The following ERICH1 variants were observed in gnomAD, a reference collection of about 807,000 sequenced individuals.
ERICH1 encodes glutamate rich 1, also known as glutamate-rich protein 1.
In ERICH1, 56 loss-of-function variants were observed where a neutral mutation model predicts 39.6. The ratio of observed to expected loss-of-function variants is 1.41; its 90% CI spans 1.14 to 1.77. ERICH1 has a LOEUF of 1.77. Among genes scored for constraint, ERICH1 ranks in the 40% most tolerant of loss-of-function variants. The pLI is 0.00. For synonymous variants in ERICH1, 313 were observed against 223.6 expected, an observed-to-expected ratio of 1.40 and a Z score of -3.57; for missense variants, 826 against 575.4, an observed-to-expected ratio of 1.44 and a Z score of -4.45.
At chr8:708,496 A>G (rs907237101) in intron 2 of ERICH1, among the ~76,000 whole-genome samples, 3 of 152,188 alleles carry the variant, frequency 2.0e-5, no homozygotes, top group Non-Finnish European at 4.4e-5. Context: ...GACCCATGCT[A>G]CAACATGAAT....
Position 668,671 on chromosome 8 carries a change from C to G in ERICH1, c.1185G>C (p.Leu395=), listed in dbSNP as rs1427852478. 6.2e-7 allele frequency: 1 copy of G among 1,614,186 alleles called. No individual in the cohort carries two copies. Among genetic ancestry groups the G allele is most frequent in the Non-Finnish European group, 8.5e-7 (1 of 1,180,038 alleles). The change falls in exon 5 of 6, where the codon CTG becomes CTC. Residue 395 remains leucine (L), a synonymous_variant. Transcript: ENST00000262109. ...DVSILYHMKT[L]LLLQDTERLK... is the part of the protein sequence containing the mutation. ...ATCTCTCAGTATCTTGCAGGAGCAG[C>G]AGCGTTTTCATGTGGTACAGGATGG...
At chr8:629,098 G>C (rs1797764511) in intron 3 of ERICH1, among the ~76,000 whole-genome samples, 1 of 152,270 alleles carries the variant, frequency 6.6e-6, no homozygotes, top group Admixed American at 6.5e-5. Context: ...AAATCATTAG[G>C]GACAAGCTCC....
chr8:643,951 C>T (rs1004966721), intron 3 of ERICH1, among the ~76,000 whole-genome samples: 31 of 152,262 alleles, frequency 2.0e-4, no homozygotes. Context: ...GATGCAGCCC[C>T]CTGAGCACCA....
chr8:727,406 G>A (rs1414273632), intron 1 of ERICH1, among the ~76,000 whole-genome samples: 1 of 152,310 alleles, frequency 6.6e-6, no homozygotes, highest in Admixed American at 6.5e-5. Context: ...TGAGGTGCAG[G>A]AGAAACCAGA....
At chr8:633,050 C>A (rs138279028) in intron 3 of ERICH1, among the ~76,000 whole-genome samples, 2,345 of 152,262 alleles carry the variant, frequency 0.015, 28 homozygotes, top group Middle Eastern at 0.027. Context: ...GAGAAACGCA[C>A]AACCAGTGTG....
rs535840874 is a variant in ERICH1 at position 676,384 on chromosome 8, GCCCCTCGTGAGGACAGAGACGCGGCGC to G, written c.305-2364_305-2338del. Among the ~76,000 whole-genome samples, 10 of 21,746 alleles carry G rather than the reference GCCCCTCGTGAGGACAGAGACGCGGCGC, an allele frequency of 4.6e-4. 1 individual carries two copies. The highest frequency in any genetic ancestry group is 1.6e-3 in the African/African-American group (8 of 4,954). 14.3% of individuals were successfully genotyped at this position (21,746 alleles called of 152,430 possible). A position where few individuals can be genotyped will look rare whatever the true frequency, so the allele number is the denominator to read the frequency against. On this transcript the variant is annotated intron_variant, in intron 3 of 5. Transcript: ENST00000262109. ...CCCTCGTGAGGACAGAGACGCGGCGGCCCCTCGTGAGGACAGAGACGCGGCGCCCCCTCGGCGAGGACAGAGACGCGG... is the reference window on the plus strand; with the variant it reads ...CCCTCGTGAGGACAGAGACGCGGCGGCCCCTCGGCGAGGACAGAGACGCGG...
Position 731,188 on chromosome 8 carries a change from C to CA in ERICH1, c.-28dup, listed in dbSNP as rs1819927695. 2 of 1,496,190 alleles carry CA rather than the reference C, an allele frequency of 1.3e-6. No individual in the cohort carries two copies. The highest frequency in any genetic ancestry group is 1.4e-5 in the African/African-American group (1 of 69,892). 92.7% of individuals were successfully genotyped at this position (1,496,190 alleles called of 1,614,324 possible). A position where few individuals can be genotyped will look rare whatever the true frequency, so the allele number is the denominator to read the frequency against. On this transcript the variant is annotated 5_prime_UTR_variant, in exon 1 of 6. Transcript: ENST00000262109. ...CGGGACCCTGCCGCGGACCTCAGAC[C>CA]ACGGCGCGCGGTCCTGAGCTGAGCG...
chr8:707,226 T>C (rs73178842), intron 2 of ERICH1, among the ~76,000 whole-genome samples: 29,590 of 146,300 alleles, frequency 0.2, 3,656 homozygotes, highest in East Asian at 0.51. Flanking sequence ...TTTTTTTTTT[T>C]AGACAGAGTA....
chr8:638,480 G>A (rs761901510), intron 3 of ERICH1, among the ~76,000 whole-genome samples: 4 of 152,202 alleles, frequency 2.6e-5, no homozygotes, highest in Non-Finnish European at 4.4e-5. Flanking sequence ...GGGAAGGTTC[G>A]TGGGTTCAAA....
downstream of ERICH1, among the ~76,000 whole-genome samples, chr8:660,394 G>T (rs1298864991): frequency 1.3e-5 from 2 of 152,254 alleles, no homozygotes; most frequent in Non-Finnish European, 2.9e-5. Context: ...CCACCCTGAG[G>T]TCGGCTGCCA....
chr8:708,697 T>TTTTTTTTTTTTTTTTTTTTG (rs1813982268), intron 2 of ERICH1, among the ~76,000 whole-genome samples: 1 of 139,062 alleles, frequency 7.2e-6, no homozygotes, highest in Non-Finnish European at 1.6e-5. Context: ...TTTTTTTTTT[T>TTTTTTTTTTTTTTTTTTTTG]TTTTTTTTTT....
rs765288508 is a variant in ERICH1, at chr8:715,837, AC to A, written c.169+23del. On this transcript the variant is annotated intron_variant, in intron 2 of 5. Coordinates refer to ENST00000262109, the MANE Select transcript of ERICH1 (RefSeq NM_207332.3). ...AGGTTAACTTCAGTTTCTGAGACCC[AC>A]CCACATCTGCAGACAAACTCACCTG... 10 of 1,596,700 alleles carry A rather than the reference AC, an allele frequency of 6.3e-6. No individual in the cohort carries two copies. The South Asian group carries it at 1.1e-4, about 18-fold the overall frequency.
intron 4 of ERICH1, among the ~76,000 whole-genome samples, chr8:672,597 TA>T (rs34489475): frequency 1.3e-5 from 2 of 151,892 alleles, no homozygotes; most frequent in East Asian, 1.9e-4. Flanking sequence ...TAAACAGTAT[TA>T]AAAAAAATTA....
chr8:679,899 T>C (rs905275997), intron 3 of ERICH1, among the ~76,000 whole-genome samples: 1 of 116,002 alleles, frequency 8.6e-6, no homozygotes, highest in Admixed American at 8.7e-5. Flanking sequence ...ACACAGAAGA[T>C]GCAAGAGAAT....
chr8:716,149 C>T (rs1233437584), intron 1 of ERICH1, 142 bp from the exon 2 acceptor site: 10 of 1,024,916 alleles, frequency 9.8e-6, no homozygotes, highest in Non-Finnish European at 1.4e-5. Context: ...TCCTCCCACG[C>T]TGGGCACTGC....
intron 1 of ERICH1, among the ~76,000 whole-genome samples, chr8:726,401 C>T (rs543217745): frequency 6.6e-6 from 1 of 152,208 alleles, no homozygotes; most frequent in Admixed American, 6.5e-5. Flanking sequence ...GGAAAACACA[C>T]AGACACACAT....
At chr8:717,571 A>G (rs1250512329) in intron 1 of ERICH1, among the ~76,000 whole-genome samples, 1 of 152,244 alleles carries the variant, frequency 6.6e-6, no homozygotes, top group Non-Finnish European at 1.5e-5. Flanking sequence ...CAAGCTGGTG[A>G]TGAGCAGAGG....
Position 673,520 on chromosome 8 carries a change from T to C in ERICH1, c.832A>G (p.Ile278Val). ...CCGGCCCGTGTCAGGTCTTCCTCAA[T>C]GGTGTCCACACCGTCCTCCTCCCTG... ...DAREEDGVDT[I>V]EEDLTRAGEE... Residue 278 changes from isoleucine (I) to valine (V), a missense_variant, in exon 4 of 6, where the codon ATT becomes GTT. Ile to Val is a conservative substitution (Grantham distance 29). Coordinates refer to ENST00000262109, the MANE Select transcript of ERICH1 (RefSeq NM_207332.3). 1.2e-6 allele frequency: 2 copies of C among 1,612,984 alleles called. No individual in the cohort carries two copies. Among genetic ancestry groups the C allele is most frequent in the African/African-American group, 2.7e-5 (2 of 74,888 alleles).
At chr8:655,790 AT>A (rs869037131) in intron 3 of ERICH1, among the ~76,000 whole-genome samples, 1 of 106,050 alleles carries the variant, frequency 9.4e-6, no homozygotes. Context: ...ATTTAAATAC[AT>A]TCCTGCAGAA....
Sources: gnomAD v4.1 joint callset for allele counts (sites outside exome capture counted in the v4.1 genomes callset) on GRCh38, gnomAD v4.1.1 for gene constraint, MANE v1.5 for transcripts, NCBI Gene and HGNC (gene_info 2026-07-23, HGNC 2026-07-21) for gene names.